GOLGA3: variants seen among roughly 807,000 people sequenced by gnomAD.
GOLGA3 encodes the protein golgin subfamily A member 3.
Under a neutral mutation model 169.4 loss-of-function variants are expected in GOLGA3, and 75 were observed. That is an observed-to-expected ratio of 0.44 (90% CI 0.37 to 0.54). The LOEUF is 0.54. Among genes scored for constraint, GOLGA3 ranks in the 20% least tolerant of loss-of-function variants. GOLGA3 has a pLI of 0.00. For missense variants in GOLGA3, 1,899 were observed against 1,930.0 expected (o/e 0.98, Z 0.30); for synonymous variants, 824 against 822.4 (o/e 1.00, Z -0.03).
intron 11 of GOLGA3, among the ~76,000 whole-genome samples, chr12:132,791,878 A>C (rs1294926446): frequency 7.7e-6 from 1 of 129,772 alleles, no homozygotes; most frequent in Non-Finnish European, 1.7e-5. Flanking sequence ...CCAGAAGGGG[A>C]CACATCTGCA....
chr12:132,780,077 CACGT>C (rs2045496358), intron 18 of GOLGA3, among the ~76,000 whole-genome samples: 2 of 138,114 alleles, frequency 1.4e-5, no homozygotes, highest in South Asian at 2.4e-4. Flanking sequence ...ACCCCAGGCA[CACGT>C]GTGTGCAGAC....
At chr12:132,799,717 C>T (rs1231929681) in intron 8 of GOLGA3, among the ~76,000 whole-genome samples, 2 of 152,122 alleles carry the variant, frequency 1.3e-5, no homozygotes, top group Non-Finnish European at 2.9e-5. Context: ...CCAGGCTACA[C>T]CACCATACTT....
chr12:132,826,976 A>G (rs1950444312), intron 1 of GOLGA3, among the ~76,000 whole-genome samples: 1 of 152,172 alleles, frequency 6.6e-6, no homozygotes, highest in Admixed American at 6.5e-5. Flanking sequence ...CTCTAGAGAG[A>G]AGAGACAGGA....
chr12:132,777,862 C>A lies in GOLGA3; in HGVS notation c.3583-57G>T. ...CTGCGTGACACCCACAGCTTTATGA[C>A]GTGCCGGGCGCAGGGGGTGAATGCA... is the stretch of plus-strand genomic sequence containing the variant. On this transcript the variant is annotated intron_variant, in intron 18 of 23. Transcript: ENST00000450791. This position sits in a 1 kb window ranked among gnomAD's most constrained non-coding sequence, Gnocchi z 4.7. 1 of 1,588,340 alleles carries A rather than the reference C, an allele frequency of 6.3e-7. No homozygotes were observed. The highest frequency in any genetic ancestry group is 1.1e-5 in the South Asian group (1 of 88,014).
chr12:132,812,674 G>T lies in GOLGA3; in HGVS notation c.519+633C>A, dbSNP rs562304163. Among the ~76,000 whole-genome samples the T allele has an allele frequency of 5.3e-5, 8 of 152,348 alleles. No homozygotes were observed. In the South Asian group the frequency reaches 1.7e-3, roughly 32 times the overall value. ...GGCACTAGAACTAGAAGTGGAGCCT[G>T]AAGATGTGACTGAATTGCTGCAATC... On this transcript the variant is annotated intron_variant, in intron 4 of 23. Transcript: ENST00000450791.
chr12:132,776,159 ACCT>A (rs2045219959), intron 21 of GOLGA3, among the ~76,000 whole-genome samples: 1 of 91,352 alleles, frequency 1.1e-5, no homozygotes, highest in Non-Finnish European at 3.0e-5. Context: ...ATACACAGGT[ACCT>A]GCAGCAGCTG....
Position 132,808,245 on chromosome 12 carries a change from T to C in GOLGA3, c.824A>G (p.Gln275Arg). 1.2e-5 allele frequency: 20 copies of C among 1,614,114 alleles called. No homozygotes were observed. Among genetic ancestry groups the C allele is most frequent in the Non-Finnish European group, 1.7e-5 (20 of 1,180,036 alleles). Residue 275 changes from glutamine to arginine, a missense_variant, in exon 5 of 24, where the codon CAG becomes CGG. By Grantham distance (43) the Gln-to-Arg change is conservative. Transcript: ENST00000450791. The part of the protein sequence containing the change: ...APDSTKGSLK[Q>R]NRSSAASVVS... ...AACGGACGCCGCACTGCTTCTGTTCTGCTTCAGGGAACCCTTGGTAGAATC... is the reference window on the plus strand; with the variant it reads ...AACGGACGCCGCACTGCTTCTGTTCCGCTTCAGGGAACCCTTGGTAGAATC...
At chr12:132,787,523 C>T (rs1363374565) in intron 13 of GOLGA3, among the ~76,000 whole-genome samples, 1 of 144,104 alleles carries the variant, frequency 6.9e-6, no homozygotes, top group Non-Finnish European at 1.5e-5. Flanking sequence ...GATCCCCTCC[C>T]CACAGTCCCC....
At chr12:132,799,984 G>A (rs148541958) in intron 8 of GOLGA3, among the ~76,000 whole-genome samples, 15,691 of 152,100 alleles carry the variant, frequency 0.1, 1,098 homozygotes, top group South Asian at 0.16. Flanking sequence ...CAAGTGATCG[G>A]CCCGCCTCGG....
At chr12:132,795,403 G>C (rs533653813) in intron 11 of GOLGA3, among the ~76,000 whole-genome samples, 2 of 151,978 alleles carry the variant, frequency 1.3e-5, no homozygotes, top group South Asian at 2.1e-4. Flanking sequence ...GAGGTGGGCG[G>C]ATCACTTGAG....
At chr12:132,792,777 T>C (rs1179903711) in intron 11 of GOLGA3, among the ~76,000 whole-genome samples, 20 of 109,812 alleles carry the variant, frequency 1.8e-4, no homozygotes, top group South Asian at 3.4e-4. Context: ...GCACGGGACC[T>C]GCACTCGGAG....
chr12:132,798,558 G>T, intron 8 of GOLGA3, 81 bp from the exon 9 acceptor site: 1 of 1,335,752 alleles, frequency 7.5e-7, no homozygotes. Flanking sequence ...GGAGGCCCCA[G>T]GGTGAGGGTC....
chr12:132,823,285 G>A (rs1950288956), intron 1 of GOLGA3, among the ~76,000 whole-genome samples: 1 of 152,260 alleles, frequency 6.6e-6, no homozygotes, highest in South Asian at 2.1e-4. Context: ...CCTGAAATGT[G>A]CTGGTGATAT....
At chr12:132,809,601 A>G (rs1243137529) in intron 4 of GOLGA3, among the ~76,000 whole-genome samples, 3 of 152,242 alleles carry the variant, frequency 2.0e-5, no homozygotes, top group African/African-American at 4.8e-5. Flanking sequence ...CTGTCTGGGC[A>G]TAACAGAAGG....
chr12:132,807,083 C>T (rs1356147845), intron 6 of GOLGA3, 94 bp downstream of exon 6: 4 of 709,498 alleles, frequency 5.6e-6, no homozygotes, highest in South Asian at 5.3e-5. Flanking sequence ...CGGCTGATTC[C>T]CAACCACATC....
chr12:132,808,711 G>A (rs1001449523), intron 4 of GOLGA3, among the ~76,000 whole-genome samples, 162 bp from the exon 5 acceptor site: 10 of 152,144 alleles, frequency 6.6e-5, no homozygotes, highest in South Asian at 2.1e-4. Context: ...CCAGGCCTCC[G>A]ATCCGTGGTG....
At chr12:132,826,240 C>CAAA (rs752535211) in intron 1 of GOLGA3, 570 of 727,252 alleles carry the variant, frequency 7.8e-4, no homozygotes, top group South Asian at 2.9e-3. Flanking sequence ...TCTCATTCTC[C>CAAA]AAAAAAAAAA....
intron 4 of GOLGA3, among the ~76,000 whole-genome samples, chr12:132,809,279 G>C (rs983858288): frequency 6.6e-6 from 1 of 152,234 alleles, no homozygotes; most frequent in Admixed American, 6.5e-5. Context: ...AGGCAGACTA[G>C]GAGTGTGACC....
chr12:132,793,007 G>C (rs542140257), intron 11 of GOLGA3, among the ~76,000 whole-genome samples: 3 of 108,708 alleles, frequency 2.8e-5, no homozygotes, highest in Admixed American at 1.0e-4. Context: ...CAGACAGACC[G>C]CACGGGACCC....
Sources: allele counts gnomAD v4.1 joint callset (sites outside exome capture counted in the v4.1 genomes callset), GRCh38; gene constraint gnomAD v4.1.1; non-coding constraint Gnocchi (gnomAD v3.1); transcripts MANE v1.5; gene names NCBI Gene and HGNC (gene_info 2026-07-23, HGNC 2026-07-21).